CADM2: variants seen among roughly 807,000 people sequenced by gnomAD.
CADM2 encodes cell adhesion molecule 2.
Under a neutral mutation model 49.8 loss-of-function variants are expected in CADM2, and 12 were observed. That is an observed-to-expected ratio of 0.24 (90% confidence interval 0.15 to 0.39). CADM2 has a LOEUF of 0.39. Ranked by LOEUF, CADM2 falls within the 10% of genes least tolerant of loss-of-function variation. The probability of loss-of-function intolerance (pLI) is 1.00; values close to 1 mark genes in which losing one functional copy is unlikely to be tolerated. For synonymous variants in CADM2, 214 were observed against 175.4 expected, an observed-to-expected ratio of 1.22 and a Z score of -1.74; for missense variants, 378 against 492.3, an observed-to-expected ratio of 0.77 and a Z score of 2.20.
At chr3:86,025,247 G>C (rs939199212) in intron 8 of CADM2, among the ~76,000 whole-genome samples, 1 of 152,060 alleles carries the variant, frequency 6.6e-6, no homozygotes, top group Admixed American at 6.5e-5. Context: ...AGTAGAGCCA[G>C]GGTTTCACCA....
At chr3:85,295,931 A>T (rs973996388) in intron 1 of CADM2, among the ~76,000 whole-genome samples, 12 of 152,098 alleles carry the variant, frequency 7.9e-5, no homozygotes, top group Non-Finnish European at 1.8e-4. Flanking sequence ...GTATAATAAA[A>T]AAAAGAAAAA....
At chr3:85,725,784 C>T (rs2067675626) in intron 1 of CADM2, among the ~76,000 whole-genome samples, 1 of 151,892 alleles carries the variant, frequency 6.6e-6, no homozygotes, top group Non-Finnish European at 1.5e-5. Flanking sequence ...AACCAAGTAC[C>T]AAAATTGCTG....
intron 3 of CADM2, among the ~76,000 whole-genome samples, chr3:85,858,081 A>G (rs911787985): frequency 6.6e-6 from 1 of 152,224 alleles, no homozygotes; most frequent in African/African-American, 2.4e-5. Flanking sequence ...GATGTGAAGT[A>G]AACATGTTTT....
intron 1 of CADM2, among the ~76,000 whole-genome samples, chr3:85,191,798 T>A (rs2041214866): frequency 6.6e-6 from 1 of 152,128 alleles, no homozygotes; most frequent in Non-Finnish European, 1.5e-5. Context: ...CAAATACCAG[T>A]CATCAGATAC....
At chr3:85,520,121 A>T (rs1039917588) in intron 1 of CADM2, among the ~76,000 whole-genome samples, 1 of 151,976 alleles carries the variant, frequency 6.6e-6, no homozygotes, top group African/African-American at 2.4e-5. Context: ...ATTGTTTATG[A>T]TTGATTAAAG....
chr3:85,774,912 G>T (rs1262602975), intron 2 of CADM2, among the ~76,000 whole-genome samples: 1 of 151,600 alleles, frequency 6.6e-6, no homozygotes, highest in African/African-American at 2.4e-5. Context: ...TGATACACAT[G>T]TATATAGTTA....
intron 8 of CADM2, among the ~76,000 whole-genome samples, chr3:86,043,277 A>T (rs1294359063): frequency 6.6e-6 from 1 of 152,222 alleles, no homozygotes; most frequent in East Asian, 1.9e-4. Flanking sequence ...TTAGGAAAAG[A>T]GGAAGTCAAA....
intron 1 of CADM2, among the ~76,000 whole-genome samples, chr3:85,322,367 G>A (rs2044637811): frequency 6.6e-6 from 1 of 152,106 alleles, no homozygotes; most frequent in African/African-American, 2.4e-5. Context: ...CCTAGGGCAT[G>A]GGTTTCAAAC....
At chr3:85,128,055 A>G (rs903930497) in intron 1 of CADM2, among the ~76,000 whole-genome samples, 2 of 152,178 alleles carry the variant, frequency 1.3e-5, no homozygotes, top group African/African-American at 4.8e-5. Context: ...GGTATAGTAG[A>G]GATAGAGAAC....
intron 1 of CADM2, among the ~76,000 whole-genome samples, chr3:85,003,467 T>G (rs2033573844): frequency 6.6e-6 from 1 of 152,132 alleles, no homozygotes. Flanking sequence ...AATAGAAAAT[T>G]TACCATATTT....
At chr3:85,485,562 T>C (rs2039384193) in intron 1 of CADM2, among the ~76,000 whole-genome samples, 1 of 152,048 alleles carries the variant, frequency 6.6e-6, no homozygotes, top group African/African-American at 2.4e-5. Context: ...TTGAGTAATG[T>C]CATGTAGCAA....
chr3:85,526,474 A>G (rs1323517971), intron 1 of CADM2, among the ~76,000 whole-genome samples: 1 of 152,204 alleles, frequency 6.6e-6, no homozygotes, highest in Non-Finnish European at 1.5e-5. Context: ...ACAAAACAAA[A>G]CAAAAGCGTA....
chr3:85,560,580 A>G (rs898082864), intron 1 of CADM2, among the ~76,000 whole-genome samples: 2 of 152,238 alleles, frequency 1.3e-5, no homozygotes, highest in Non-Finnish European at 2.9e-5. Flanking sequence ...AGTCAACGCT[A>G]AAACTGAAGG....
At chr3:85,006,805 TA>T (rs891271812) in intron 1 of CADM2, among the ~76,000 whole-genome samples, 16 of 151,938 alleles carry the variant, frequency 1.1e-4, no homozygotes, top group Non-Finnish European at 1.6e-4. Flanking sequence ...AGATAAAATA[TA>T]AAAAAAATCA....
Position 85,894,881 on chromosome 3 carries a change from C to T in CADM2, c.529+8554C>T, listed in dbSNP as rs114677909. ...CTCAAGAATTGAGATTCTGGAACCT[C>T]TGCCTAGATTTCAGAGGATGTATGG... On this transcript the variant is annotated intron_variant, in intron 5 of 9. Coordinates refer to ENST00000383699, the MANE Select transcript of CADM2 (RefSeq NM_001167675.2). Among the ~76,000 whole-genome samples the T allele has an allele frequency of 4.5e-3, 686 of 152,338 alleles. 5 individuals carry two copies. Among genetic ancestry groups the T allele is most frequent in the African/African-American group, 0.015 (619 of 41,584 alleles).
intron 3 of CADM2, among the ~76,000 whole-genome samples, chr3:85,882,207 C>G (rs1712916858): frequency 6.8e-6 from 1 of 146,214 alleles, no homozygotes; most frequent in South Asian, 2.2e-4. Flanking sequence ...ACTGCTAGAG[C>G]TGCTTATCTG....
At chr3:85,893,369 G>T (rs983071317) in intron 5 of CADM2, among the ~76,000 whole-genome samples, 27 of 152,166 alleles carry the variant, frequency 1.8e-4, no homozygotes, top group Non-Finnish European at 3.8e-4. Flanking sequence ...GGACTTAAAT[G>T]TTAGACCTAA....
chr3:85,135,236 AAC>A (rs2039379079), intron 1 of CADM2, among the ~76,000 whole-genome samples: 1 of 152,044 alleles, frequency 6.6e-6, no homozygotes, highest in African/African-American at 2.4e-5. Context: ...AATATATTGT[AAC>A]ATTAGAAAAT....
chr3:85,293,778 G>T (rs2043871396), intron 1 of CADM2, among the ~76,000 whole-genome samples: 1 of 148,968 alleles, frequency 6.7e-6, no homozygotes, highest in East Asian at 2.0e-4. Context: ...AGGTATTGAT[G>T]GGATGTATTT....
Sources: allele counts gnomAD v4.1 joint callset (sites outside exome capture counted in the v4.1 genomes callset), GRCh38; gene constraint gnomAD v4.1.1; transcripts MANE v1.5; gene names NCBI Gene and HGNC (gene_info 2026-07-23, HGNC 2026-07-21).